Variants in EP300 observed in about 807,000 individuals in gnomAD.
The protein encoded by EP300 is EP300 lysine acetyltransferase, also known as histone acetyltransferase p300.
EP300 carries 31 observed loss-of-function variants against 264.0 expected under a neutral mutation model. The ratio of observed to expected loss-of-function variants is 0.12; its 90% CI spans 0.09 to 0.16. EP300 has a LOEUF of 0.16. Ranked by LOEUF, EP300 falls within the 10% of genes least tolerant of loss-of-function variation. EP300 has a pLI of 1.00. For missense variants in EP300, 2,766 were observed against 3,052.9 expected, an observed-to-expected ratio of 0.91 and a Z score of 2.21; for synonymous variants, 1,340 against 1,045.4, an observed-to-expected ratio of 1.28 and a Z score of -5.44.
At chr22:41,149,739 G>C (rs1330257614) in intron 13 of EP300, 22 bp from the exon 14 acceptor site, 6 of 1,612,608 alleles carry the variant, frequency 3.7e-6, no homozygotes, top group Non-Finnish European at 4.2e-6. Context: ...TTGCTGTCTT[G>C]TTATGTTTTT....
intron 5 of EP300, among the ~76,000 whole-genome samples, chr22:41,130,657 G>C (rs915767866): frequency 2.0e-5 from 3 of 152,004 alleles, no homozygotes; most frequent in Non-Finnish European, 2.9e-5. Flanking sequence ...GTTCTGCTTT[G>C]AACCTATGAA....
At chr22:41,175,063 A>G (rs745975544) in intron 29 of EP300, among the ~76,000 whole-genome samples, 5 of 152,114 alleles carry the variant, frequency 3.3e-5, no homozygotes, top group Non-Finnish European at 7.4e-5. Flanking sequence ...TACGTTAGGT[A>G]ATGATTATTA....
chr22:41,108,905 A>G (rs1343240004), intron 1 of EP300, among the ~76,000 whole-genome samples: 2 of 152,232 alleles, frequency 1.3e-5, no homozygotes, highest in Non-Finnish European at 2.9e-5. Context: ...CTTCAGATTT[A>G]TAAGTTTTTA....
chr22:41,177,123 G>C lies in EP300; in HGVS notation c.5412G>C (p.Pro1804=), dbSNP rs368368055. Residue 1804 remains proline (P), a synonymous_variant, in exon 31 of 31, where the codon CCG becomes CCC. Transcript: ENST00000263253. ...KHCQENKCPV[P]FCLNIKQKLR... ...GCCAGGAGAACAAATGCCCGGTGCCGTTCTGCCTAAACATCAAGCAGAAGC... is the reference window on the plus strand; with the variant it reads ...GCCAGGAGAACAAATGCCCGGTGCCCTTCTGCCTAAACATCAAGCAGAAGC... 25 of 1,613,948 alleles carry C rather than the reference G, an allele frequency of 1.5e-5. No homozygotes were observed. The highest frequency in any genetic ancestry group is 2.0e-5 in the Non-Finnish European group (24 of 1,180,020).
In EP300 at chr22:41,178,825, A is replaced by C; in HGVS notation, c.7114A>C (p.Met2372Leu). The C allele has an allele frequency of 6.2e-7, 1 of 1,614,108 alleles. No individual in the cohort carries two copies. The highest frequency in any genetic ancestry group is 1.1e-5 in the South Asian group (1 of 91,086). ...TTTTGCCAGCCCGGACCAGAATTCAATGCTTTCTCAGCTTGCTAGCAATCC... is the reference window on the plus strand; with the variant it reads ...TTTTGCCAGCCCGGACCAGAATTCACTGCTTTCTCAGCTTGCTAGCAATCC... ...GHFASPDQNS[M>L]LSQLASNPGM... Residue 2372 changes from methionine (M) to leucine (L), a missense_variant, in exon 31 of 31, where the codon ATG (methionine) becomes CTG (leucine). Met to Leu is a conservative substitution (Grantham distance 15). Coordinates refer to ENST00000263253, the MANE Select transcript of EP300 (RefSeq NM_001429.4).
Position 41,177,406 on chromosome 22 carries a change from G to A in EP300, c.5695G>A (p.Gly1899Ser), listed in dbSNP as rs1300307107. The A allele has an allele frequency of 6.2e-7, 1 of 1,613,984 alleles. No individual in the cohort carries two copies. Among genetic ancestry groups the A allele is most frequent in the African/African-American group, 1.3e-5 (1 of 74,880 alleles). ...RTQAAGPVSQ[G>S]KAAGQVTPPT... Reference sequence around the variant, plus strand: ...TCAAGCTGCTGGCCCTGTGTCCCAGGGTAAGGCAGCAGGCCAGGTGACCCC... The same window carrying A: ...TCAAGCTGCTGGCCCTGTGTCCCAGAGTAAGGCAGCAGGCCAGGTGACCCC... Residue 1899 changes from glycine (G) to serine (S), a missense_variant, in exon 31 of 31, where the codon GGT becomes AGT. By Grantham distance (56) the Gly-to-Ser change is moderately conservative. Coordinates refer to ENST00000263253, the MANE Select transcript of EP300 (RefSeq NM_001429.4).
intron 14 of EP300, among the ~76,000 whole-genome samples, chr22:41,151,359 T>C (rs2145739204): frequency 6.6e-6 from 1 of 152,318 alleles, no homozygotes; most frequent in South Asian, 2.1e-4. Flanking sequence ...AGGATAAAGA[T>C]AGGGAATGCC....
At chr22:41,169,172 G>A in intron 25 of EP300, 2 of 550,564 alleles carry the variant, frequency 3.6e-6, no homozygotes, top group Non-Finnish European at 6.5e-6. Flanking sequence ...GTAGCTATGT[G>A]AAAATATATC....
rs554263662 is a variant in EP300 at position 41,111,545 on chromosome 22, C to T, written c.95-5642C>T. 9.2e-5 allele frequency among the ~76,000 whole-genome samples: 14 copies of T among 151,692 alleles called. No homozygotes were observed. In the South Asian group the frequency reaches 2.7e-3, roughly 29 times the overall value. ...TTCCTTTTTCCTTTTTCTTTCTTTC[C>T]TTCTTTTTTGTTTTGAGACGGAGTT... On this transcript the variant is annotated intron_variant, in intron 1 of 30. Coordinates refer to ENST00000263253, the MANE Select transcript of EP300 (RefSeq NM_001429.4).
rs1206391467 is a variant in EP300, at chr22:41,177,528, G to A, written c.5817G>A (p.Gln1939=). 2 of 1,614,168 alleles carry A rather than the reference G, an allele frequency of 1.2e-6. No individual in the cohort carries two copies. Among genetic ancestry groups the A allele is most frequent in the Non-Finnish European group, 1.7e-6 (2 of 1,180,034 alleles). Residue 1939 remains glutamine, a synonymous_variant, in exon 31 of 31, where the codon CAG becomes CAA. Coordinates refer to ENST00000263253, the MANE Select transcript of EP300 (RefSeq NM_001429.4). ...AMQIQRAAET[Q]RQMAHVQIFQ... is the part of the protein sequence containing the mutation. ...AGATTCAGAGAGCAGCGGAGACGCA[G>A]CGCCAGATGGCCCACGTGCAAATTT...
chr22:41,099,145 A>G (rs1443156880), intron 1 of EP300, among the ~76,000 whole-genome samples: 2 of 151,696 alleles, frequency 1.3e-5, no homozygotes, highest in African/African-American at 4.8e-5. Context: ...GCCTATGACA[A>G]CCTCCGTCTC....
chr22:41,111,875 C>A (rs906607599), intron 1 of EP300, among the ~76,000 whole-genome samples: 4 of 114,608 alleles, frequency 3.5e-5, no homozygotes, highest in East Asian at 2.9e-4. Flanking sequence ...GAACTTGTAA[C>A]CTTTTTTTTT....
At chr22:41,159,424 A>G (rs1037361947) in intron 19 of EP300, 2 of 152,230 alleles carry the variant, frequency 1.3e-5, no homozygotes, top group African/African-American at 2.4e-5. Flanking sequence ...GTGAGTAAAA[A>G]TCTAGCTCTT....
At position 41,141,236 on chromosome 22, in the gene EP300, G is replaced by C; in HGVS notation, c.2053+14G>C. On this transcript the variant is annotated intron_variant, in intron 10 of 30. Transcript: ENST00000263253. ...GAATGACTTCTAGTAAGTGGTTTTT[G>C]TTATATTTCTGTTTGAGAGAAATTG... The C allele has an allele frequency of 6.2e-7, 1 of 1,611,460 alleles. No homozygotes were observed. The highest frequency in any genetic ancestry group is 8.5e-7 in the Non-Finnish European group (1 of 1,177,750).
Position 41,141,239 on chromosome 22 carries a change from A to G in EP300, c.2053+17A>G, listed in dbSNP as rs2145726597. 1.2e-6 allele frequency: 2 copies of G among 1,610,866 alleles called. No individual in the cohort carries two copies. The highest frequency in any genetic ancestry group is 1.1e-5 in the South Asian group (1 of 90,922). ...TGACTTCTAGTAAGTGGTTTTTGTT[A>G]TATTTCTGTTTGAGAGAAATTGATA... On this transcript the variant is annotated intron_variant, in intron 10 of 30. Transcript: ENST00000263253.
chr22:41,162,906 A>G, intron 21 of EP300, 127 bp downstream of exon 21: 1 of 771,678 alleles, frequency 1.3e-6, no homozygotes, highest in South Asian at 1.4e-5. Context: ...ACATACATCT[A>G]ATGGATAGTA....
rs560308969 is a variant in EP300 at position 41,101,665 on chromosome 22, C to T, written c.94+8567C>T. ...TGACTTCATAATCTACCCTTCTCGG[C>T]CTCCCAAAGTGCTGGGATTACAGGG... On this transcript the variant is annotated intron_variant, in intron 1 of 30. Transcript: ENST00000263253. Among the ~76,000 whole-genome samples the T allele has an allele frequency of 6.6e-5, 10 of 152,246 alleles. No homozygotes were observed. The South Asian group carries it at 1.9e-3, about 28-fold the overall frequency.
chr22:41,141,174 A>G lies in EP300; in HGVS notation c.2005A>G (p.Met669Val), dbSNP rs749541256. The G allele has an allele frequency of 8.7e-6, 14 of 1,614,128 alleles. No homozygotes were observed. The highest frequency in any genetic ancestry group is 5.0e-5 in the Admixed American group (3 of 60,006). ...PNAAGMVPVS[M>V]NPGPNMGQPQ... Reference sequence around the variant, plus strand: ...TGCTGCAGGCATGGTTCCAGTTTCCATGAATCCAGGGCCTAACATGGGACA... The same window carrying G: ...TGCTGCAGGCATGGTTCCAGTTTCCGTGAATCCAGGGCCTAACATGGGACA... Residue 669 changes from methionine (M) to valine (V), a missense_variant, in exon 10 of 31, where the codon ATG (methionine) becomes GTG (valine). Coordinates refer to ENST00000263253, the MANE Select transcript of EP300 (RefSeq NM_001429.4).
intron 28 of EP300, 103 bp from the exon 29 acceptor site, chr22:41,173,520 T>TA (rs2059182577): frequency 3.3e-6 from 4 of 1,215,980 alleles, no homozygotes; most frequent in Middle Eastern, 5.1e-4. Flanking sequence ...GTTACAGGCA[T>TA]AAGATTATGA....
Sources: allele counts gnomAD v4.1 joint callset (sites outside exome capture counted in the v4.1 genomes callset), GRCh38; gene constraint gnomAD v4.1.1; transcripts MANE v1.5; gene names NCBI Gene and HGNC (gene_info 2026-07-23, HGNC 2026-07-21).